Variants in PRPF3 observed in about 807,000 individuals in gnomAD.
The protein encoded by PRPF3 is U4/U6 small nuclear ribonucleoprotein Prp3.
In PRPF3, 3 loss-of-function variants were observed where a neutral mutation model predicts 89.2. The observed-to-expected ratio is 0.03, with a 90% CI of 0.02 to 0.09. The LOEUF is 0.09. Ranked by LOEUF, PRPF3 falls within the 10% of genes least tolerant of loss-of-function variation. The pLI, the probability that PRPF3 is intolerant of heterozygous loss-of-function variation, is 1.00. For missense variants in PRPF3, 463 were observed against 828.8 expected (o/e 0.56, Z 5.42); for synonymous variants, 270 against 289.1 (o/e 0.93, Z 0.67).
rs200202328 is a variant in PRPF3, at chr1:150,353,026, G to T, written c.*47G>T. 6.2e-7 allele frequency: 1 copy of T among 1,611,064 alleles called. No individual in the cohort carries two copies. The highest frequency in any genetic ancestry group is 2.2e-5 in the East Asian group (1 of 44,826). On this transcript the variant is annotated 3_prime_UTR_variant, in exon 16 of 16. Coordinates refer to ENST00000324862, the MANE Select transcript of PRPF3 (RefSeq NM_004698.4). ...CTCCTCCCTTGCCTTTGTCTCTTCAGTCCTCTCACTTATTCTATTTCCCAA... is the reference window on the plus strand; with the variant it reads ...CTCCTCCCTTGCCTTTGTCTCTTCATTCCTCTCACTTATTCTATTTCCCAA...
At chr1:150,331,925 T>TA (rs1216867402) in intron 4 of PRPF3, among the ~76,000 whole-genome samples, 2 of 151,508 alleles carry the variant, frequency 1.3e-5, no homozygotes, top group Non-Finnish European at 2.9e-5. Context: ...CATGATTTTT[T>TA]AAAAAAAATT....
intron 13 of PRPF3, 30 bp from the exon 14 acceptor site, chr1:150,346,376 GTT>G (rs781942575): frequency 8.2e-6 from 13 of 1,595,048 alleles, no homozygotes; most frequent in Non-Finnish European, 6.0e-6. Context: ...ATCTTCCACA[GTT>G]CTGGCAAAAT....
At chr1:150,343,486 A>G (rs1657992003) in intron 10 of PRPF3, 34 bp downstream of exon 10, 1 of 1,610,748 alleles carries the variant, frequency 6.2e-7, no homozygotes, top group Non-Finnish European at 8.5e-7. Context: ...TGTTAAAAAG[A>G]GTGGCAAGTT....
intron 9 of PRPF3, among the ~76,000 whole-genome samples, chr1:150,342,523 CACAT>C (rs1657863172): frequency 6.6e-6 from 1 of 151,890 alleles, no homozygotes; most frequent in Admixed American, 6.6e-5. Flanking sequence ...CACACACACA[CACAT>C]GTTTTTTGAA....
intron 9 of PRPF3, among the ~76,000 whole-genome samples, chr1:150,341,105 CAAAAAA>C (rs71086503): frequency 3.3e-4 from 29 of 86,736 alleles, no homozygotes; most frequent in African/African-American, 1.2e-3. Context: ...GACCTTGTCT[CAAAAAA>C]AAAAAAAAAA....
At chr1:150,324,250 C>A (rs782365512) in intron 1 of PRPF3, among the ~76,000 whole-genome samples, 5 of 152,196 alleles carry the variant, frequency 3.3e-5, no homozygotes, top group South Asian at 4.1e-4. Context: ...TCTGGATGGG[C>A]TTTTTTAGTT....
chr1:150,338,981 C>T, intron 8 of PRPF3, among the ~76,000 whole-genome samples: 1 of 152,002 alleles, frequency 6.6e-6, no homozygotes, highest in Non-Finnish European at 1.5e-5. Flanking sequence ...TAATTACATT[C>T]TTTTGCTACG....
intron 6 of PRPF3, among the ~76,000 whole-genome samples, chr1:150,333,580 A>G (rs1394966797): frequency 6.6e-6 from 1 of 151,996 alleles, no homozygotes; most frequent in Non-Finnish European, 1.5e-5. Context: ...CAAACAAAAT[A>G]TTACTGATCC....
chr1:150,343,982 ACTT>A (rs1658041407), intron 10 of PRPF3, among the ~76,000 whole-genome samples, 177 bp from the exon 11 acceptor site: 2 of 152,230 alleles, frequency 1.3e-5, no homozygotes, highest in Admixed American at 1.3e-4. Context: ...AATTGTGTGA[ACTT>A]CTGCAAATGC....
At chr1:150,349,896 C>CGGGGGGGCG (rs1263956508) in intron 15 of PRPF3, among the ~76,000 whole-genome samples, 1 of 25,250 alleles carries the variant, frequency 4.0e-5, no homozygotes, top group Non-Finnish European at 1.0e-4. Flanking sequence ...GGCGGGGGGG[C>CGGGGGGGCG]GGGGGGCGGT....
intron 9 of PRPF3, among the ~76,000 whole-genome samples, chr1:150,340,923 T>C (rs1657625498): frequency 6.6e-6 from 1 of 151,610 alleles, no homozygotes; most frequent in Non-Finnish European, 1.5e-5. Context: ...CTAGGCAACA[T>C]GGCAAAACCC....
chr1:150,347,991 ACTGT>A (rs1284954755), intron 14 of PRPF3, among the ~76,000 whole-genome samples: 5 of 152,208 alleles, frequency 3.3e-5, no homozygotes, highest in African/African-American at 1.2e-4. Flanking sequence ...TAAGTCAAGG[ACTGT>A]CTGTCTATAT....
In PRPF3 at chr1:150,343,463, C is replaced by A; in HGVS notation, c.1426+11C>A. The A allele has an allele frequency of 6.2e-7, 1 of 1,613,060 alleles. No individual in the cohort carries two copies. Among genetic ancestry groups the A allele is most frequent in the South Asian group, 1.1e-5 (1 of 91,054 alleles). ...CTCCAGAACCCAAAGGTGCATTTCTCAGTGGCCTCTTCTGTTAAAAAGAGT... is the reference window on the plus strand; with the variant it reads ...CTCCAGAACCCAAAGGTGCATTTCTAAGTGGCCTCTTCTGTTAAAAAGAGT... On this transcript the variant is annotated intron_variant, in intron 10 of 15. Transcript: ENST00000324862.
In PRPF3 at chr1:150,353,049, C is replaced by T. The variant is rs1659103597; in HGVS notation, c.*70C>T. On this transcript the variant is annotated 3_prime_UTR_variant, in exon 16 of 16. Coordinates refer to ENST00000324862, the MANE Select transcript of PRPF3 (RefSeq NM_004698.4). ...CAGTCCTCTCACTTATTCTATTTCC[C>T]AACCCCCTCCCACTTGTTTGTGTGA... 1 of 1,587,472 alleles carries T rather than the reference C, an allele frequency of 6.3e-7. No homozygotes were observed. Among genetic ancestry groups the T allele is most frequent in the Non-Finnish European group, 8.6e-7 (1 of 1,157,114 alleles).
chr1:150,343,220 TGACAGAGTGA>T (rs1553871830), intron 9 of PRPF3, 79 bp from the exon 10 acceptor site: 1 of 801,622 alleles, frequency 1.2e-6, no homozygotes, highest in Non-Finnish European at 1.6e-6. Flanking sequence ...CCAACCTGGG[TGACAGAGTGA>T]GAGAGAGAAA....
rs113149079 is a variant in PRPF3, at chr1:150,343,477, G to T, written c.1426+25G>T. 5.6e-4 allele frequency: 897 copies of T among 1,611,796 alleles called. 10 individuals carry two copies. The African/African-American group carries it at 9.6e-3, about 17-fold the overall frequency. ...GGTGCATTTCTCAGTGGCCTCTTCT[G>T]TTAAAAAGAGTGGCAAGTTTATGTC... On this transcript the variant is annotated intron_variant, in intron 10 of 15. Coordinates refer to ENST00000324862, the MANE Select transcript of PRPF3 (RefSeq NM_004698.4).
intron 4 of PRPF3, 75 bp downstream of exon 4, chr1:150,328,541 T>C (rs1655957619): frequency 2.5e-6 from 3 of 1,219,230 alleles, no homozygotes; most frequent in Non-Finnish European, 3.4e-6. Flanking sequence ...CTGTATTTAT[T>C]GTGGAATTTT....
At chr1:150,335,262 C>T (rs1553867031) in intron 7 of PRPF3, 21 bp downstream of exon 7, 9 of 1,608,236 alleles carry the variant, frequency 5.6e-6, no homozygotes, top group Non-Finnish European at 7.7e-6. Flanking sequence ...TAGAGTATAA[C>T]ACAGAATTTG....
rs1488635595 is a variant in PRPF3, at chr1:150,328,467, GT to G, written c.423+3del. 1 of 1,609,352 alleles carries G rather than the reference GT, an allele frequency of 6.2e-7. No homozygotes were observed. Among genetic ancestry groups the G allele is most frequent in the Non-Finnish European group, 8.5e-7 (1 of 1,177,146 alleles). ...CCCTGGCATGCTGACTAAGCTCCAG[GT>G]TAGTGATTAGGGACTGGAAGCAAAG... is the stretch of plus-strand genomic sequence containing the variant. On this transcript the variant is annotated splice_donor_variant, in intron 4 of 15. Transcript: ENST00000324862. LOFTEE classifies it high-confidence loss of function.
Sources: gnomAD v4.1 joint callset for allele counts (sites outside exome capture counted in the v4.1 genomes callset) on GRCh38, gnomAD v4.1.1 for gene constraint, MANE v1.5 for transcripts, NCBI Gene and HGNC (gene_info 2026-07-23, HGNC 2026-07-21) for gene names.